NELL1: variants seen among roughly 807,000 people sequenced by gnomAD.
NELL1 encodes neural EGFL like 1, also known as protein kinase C-binding protein NELL1.
NELL1 carries 76 observed loss-of-function variants against 107.4 expected under a neutral mutation model. The observed-to-expected ratio is 0.71, with a 90% CI of 0.59 to 0.86. The LOEUF is 0.86. NELL1 is among the 40% of genes least tolerant of loss of function. The pLI is 0.00. For synonymous variants in NELL1, 353 were observed against 341.2 expected, an observed-to-expected ratio of 1.03 and a Z score of -0.38; for missense variants, 1,024 against 1,005.5, an observed-to-expected ratio of 1.02 and a Z score of -0.25.
intron 12 of NELL1, among the ~76,000 whole-genome samples, chr11:21,013,742 T>A (rs1304424827): frequency 6.6e-6 from 1 of 152,160 alleles, no homozygotes; most frequent in Non-Finnish European, 1.5e-5. Flanking sequence ...ATACACTGTG[T>A]TTAACTAAAG....
intron 13 of NELL1, among the ~76,000 whole-genome samples, chr11:21,229,009 A>G (rs1178407920): frequency 3.3e-5 from 5 of 151,860 alleles, no homozygotes; most frequent in African/African-American, 4.8e-5. Flanking sequence ...AATTCCCCCT[A>G]CTAAGAACCA....
chr11:20,870,896 C>A (rs1221500232), intron 4 of NELL1, among the ~76,000 whole-genome samples: 10 of 151,976 alleles, frequency 6.6e-5, no homozygotes, highest in Non-Finnish European at 1.5e-4. Context: ...AAGAAAGAGC[C>A]CCAAACTAAA....
Position 21,089,603 on chromosome 11 carries a change from T to G in NELL1, c.1301-23986T>G, listed in dbSNP as rs181320201. Among the ~76,000 whole-genome samples the G allele has an allele frequency of 2.5e-3, 380 of 152,206 alleles. 3 individuals are homozygous for G. Among genetic ancestry groups the G allele is most frequent in the African/African-American group, 8.5e-3 (352 of 41,464 alleles). The stretch of plus-strand genomic sequence containing the variant: ...CAAAGGCTGTTTATTCGTAAACTTG[T>G]GGCAAGGTAATCCATCTGCCGTTAT... On this transcript the variant is annotated intron_variant, in intron 12 of 19. Transcript: ENST00000357134.
At chr11:21,403,949 T>C (rs1318757217) in intron 15 of NELL1, among the ~76,000 whole-genome samples, 1 of 150,904 alleles carries the variant, frequency 6.6e-6, no homozygotes, top group East Asian at 2.0e-4. Flanking sequence ...ACTTATGGAC[T>C]GTATCCTCCT....
intron 14 of NELL1, among the ~76,000 whole-genome samples, chr11:21,339,089 G>A (rs538043953): frequency 6.6e-6 from 1 of 152,258 alleles, no homozygotes; most frequent in Admixed American, 6.5e-5. Flanking sequence ...GGGCTAAATT[G>A]TGTCCCCTCA....
chr11:21,102,914 A>G (rs1565060778), intron 12 of NELL1, among the ~76,000 whole-genome samples: 1 of 152,188 alleles, frequency 6.6e-6, no homozygotes, highest in Non-Finnish European at 1.5e-5. Flanking sequence ...TATGGTTTTC[A>G]TAATAAGGTC....
intron 2 of NELL1, among the ~76,000 whole-genome samples, chr11:20,703,238 T>G (rs1447725069): frequency 6.6e-6 from 1 of 152,210 alleles, no homozygotes; most frequent in Non-Finnish European, 1.5e-5. Flanking sequence ...GGAGGGTGTA[T>G]GTGTCGAGGA....
At chr11:21,212,236 G>C (rs990341259) in intron 13 of NELL1, among the ~76,000 whole-genome samples, 1 of 152,096 alleles carries the variant, frequency 6.6e-6, no homozygotes, top group African/African-American at 2.4e-5. Context: ...AGAAAATAGG[G>C]ATGACAATAA....
chr11:21,134,105 C>T (rs1183018932), intron 13 of NELL1, among the ~76,000 whole-genome samples: 1 of 152,246 alleles, frequency 6.6e-6, no homozygotes, highest in Non-Finnish European at 1.5e-5. Flanking sequence ...AGTTTTATGA[C>T]TTTGGGGAAG....
At chr11:21,150,735 T>G (rs1473251848) in intron 13 of NELL1, among the ~76,000 whole-genome samples, 5 of 152,186 alleles carry the variant, frequency 3.3e-5, no homozygotes, top group African/African-American at 1.2e-4. Flanking sequence ...TAATTTAATT[T>G]GTCTGGAGTG....
At chr11:20,847,462 T>C in intron 3 of NELL1, 121 bp from the exon 4 acceptor site, 1 of 1,030,800 alleles carries the variant, frequency 9.7e-7, no homozygotes, top group Non-Finnish European at 1.4e-6. Context: ...GTCTTGGCTC[T>C]TTGTGCCATG....
intron 15 of NELL1, among the ~76,000 whole-genome samples, chr11:21,445,573 C>A (rs1186684656): frequency 2.6e-5 from 4 of 152,164 alleles, no homozygotes; most frequent in Non-Finnish European, 5.9e-5. Flanking sequence ...CTCAGGTGAT[C>A]CACCCACCTT....
chr11:20,866,924 G>C (rs1849105733), intron 4 of NELL1, among the ~76,000 whole-genome samples: 1 of 152,208 alleles, frequency 6.6e-6, no homozygotes, highest in Non-Finnish European at 1.5e-5. Flanking sequence ...CTGGCACAGA[G>C]TGGACATTCA....
At chr11:20,686,109 C>A (rs1029752884) in intron 2 of NELL1, among the ~76,000 whole-genome samples, 1 of 152,020 alleles carries the variant, frequency 6.6e-6, no homozygotes, top group Admixed American at 6.6e-5. Context: ...TTATTCTTTC[C>A]TTCATTTATT....
At chr11:21,129,082 A>T (rs1310836776) in intron 13 of NELL1, among the ~76,000 whole-genome samples, 2 of 151,440 alleles carry the variant, frequency 1.3e-5, no homozygotes, top group Middle Eastern at 3.2e-3. Context: ...TTTCCTCTTG[A>T]CTCTATTCTT....
chr11:20,999,917 C>A (rs549670349), intron 12 of NELL1, among the ~76,000 whole-genome samples: 3 of 152,114 alleles, frequency 2.0e-5, no homozygotes, highest in South Asian at 2.1e-4. Context: ...TAAAGGACAT[C>A]GATACTCCAG....
At chr11:20,720,202 G>GTTTTTTTTTTTTTTTTTTT (rs72275946) in intron 2 of NELL1, among the ~76,000 whole-genome samples, 1 of 141,058 alleles carries the variant, frequency 7.1e-6, no homozygotes, top group Non-Finnish European at 1.5e-5. Context: ...GTTCATTCCT[G>GTTTTTTTTTTTTTTTTTTT]TTTTTTTTTT....
At chr11:20,906,712 C>A (rs1475279226) in intron 5 of NELL1, among the ~76,000 whole-genome samples, 1 of 151,870 alleles carries the variant, frequency 6.6e-6, no homozygotes, top group African/African-American at 2.4e-5. Flanking sequence ...ATATTATATG[C>A]CACATTAATA....
chr11:21,214,027 A>C (rs1310432357), intron 13 of NELL1, among the ~76,000 whole-genome samples: 3 of 152,196 alleles, frequency 2.0e-5, no homozygotes, highest in Admixed American at 2.0e-4. Flanking sequence ...GATAGAATGA[A>C]AATACAAACT....
Sources: allele counts gnomAD v4.1 joint callset (sites outside exome capture counted in the v4.1 genomes callset), GRCh38; gene constraint gnomAD v4.1.1; transcripts MANE v1.5; gene names NCBI Gene and HGNC (gene_info 2026-07-23, HGNC 2026-07-21).